The following SPRING1 variants were observed in gnomAD, a reference collection of about 807,000 sequenced individuals.
SPRING1 encodes SREBP regulating gene protein.
Under a neutral mutation model 24.7 loss-of-function variants are expected in SPRING1, and 14 were observed. That is an observed-to-expected ratio of 0.57 (90% confidence interval 0.37 to 0.88). The LOEUF (loss-of-function observed/expected upper bound fraction) is 0.88. Ranked by LOEUF, SPRING1 falls within the 40% of genes least tolerant of loss-of-function variation. The pLI, the probability that SPRING1 is intolerant of heterozygous loss-of-function variation, is 0.00. For missense variants in SPRING1, 255 were observed against 268.4 expected (o/e 0.95, Z 0.35); for synonymous variants, 93 against 106.1 (o/e 0.88, Z 0.76).
Position 116,716,342 on chromosome 12 carries a change from A to G in SPRING1, c.*1468T>C, listed in dbSNP as rs1441617155. On this transcript the variant is annotated 3_prime_UTR_variant, in exon 5 of 5. Transcript: ENST00000261318. ...TGTATTAGAAGGCAAATATGGCCCA[A>G]AGAAAAAGCTCCACTGAAAAAAACA... 2.0e-5 allele frequency: 3 copies of G among 152,234 alleles called. No homozygotes were observed. Among genetic ancestry groups the G allele is most frequent in the African/African-American group, 7.2e-5 (3 of 41,448 alleles). The allele number at this position is 152,234 out of a possible 1,614,324, so 9.4% of individuals were successfully genotyped here.
At position 116,720,059 on chromosome 12, in the gene SPRING1, A is replaced by G. The variant is rs1270721347; in HGVS notation, c.421-183T>C. On this transcript the variant is annotated intron_variant, in intron 3 of 4. Transcript: ENST00000261318. This position sits in a 1 kb window ranked among gnomAD's most constrained non-coding sequence, Gnocchi z 4.0. ...CATGCCAAAACACCCTGGGTATCTT[A>G]TTCATTAGATATGTGATTAGCAATA... 1.4e-6 allele frequency: 1 copy of G among 714,866 alleles called. No homozygotes were observed. The highest frequency in any genetic ancestry group is 2.3e-6 in the Non-Finnish European group (1 of 437,138). The allele number at this position is 714,866 out of a possible 1,614,324, so 44.3% of individuals were successfully genotyped here. A position where few individuals can be genotyped will look rare whatever the true frequency, so the allele number is the denominator to read the frequency against.
At chr12:116,725,369 T>C (rs1277166494) in intron 1 of SPRING1, among the ~76,000 whole-genome samples, 1 of 152,104 alleles carries the variant, frequency 6.6e-6, no homozygotes, top group East Asian at 1.9e-4. Flanking sequence ...TAGGGTTTGG[T>C]ACTAGCCGCA....
At chr12:116,719,924 C>G (rs761073433) in intron 3 of SPRING1, 48 bp from the exon 4 acceptor site, 2 of 1,505,092 alleles carry the variant, frequency 1.3e-6, no homozygotes, top group South Asian at 1.1e-5. Flanking sequence ...TAAGCCAGCA[C>G]AAGGTGACCT....
chr12:116,726,690 T>C (rs917452614), intron 1 of SPRING1, among the ~76,000 whole-genome samples: 1 of 152,156 alleles, frequency 6.6e-6, no homozygotes, highest in Non-Finnish European at 1.5e-5. Flanking sequence ...CATCAAGCTA[T>C]GTGCAAACTA....
intron 2 of SPRING1, 48 bp downstream of exon 2, chr12:116,723,019 C>A (rs757076573): frequency 1.5e-5 from 24 of 1,608,618 alleles, no homozygotes; most frequent in Non-Finnish European, 2.0e-5. Context: ...AATGGCCCAA[C>A]CAGCCTACGC....
Position 116,737,780 on chromosome 12 carries a change from G to A in SPRING1, c.111+10C>T, listed in dbSNP as rs758954992. The A allele has an allele frequency of 5.1e-6, 8 of 1,569,446 alleles. No homozygotes were observed. The Admixed American group carries it at 1.4e-4, about 28-fold the overall frequency. On this transcript the variant is annotated intron_variant, in intron 1 of 4. Transcript: ENST00000261318. ...AAGGGAAGGGGAGGAGGGGAAGGGC[G>A]GCCACTGACCTGCTTGAAGGTGCTG...
intron 1 of SPRING1, among the ~76,000 whole-genome samples, chr12:116,736,463 G>A (rs550350405): frequency 1.8e-4 from 27 of 152,342 alleles, no homozygotes; most frequent in Non-Finnish European, 3.4e-4. Context: ...CTCTCTGTTT[G>A]CCTAAGGTGG....
In SPRING1 at chr12:116,720,327, T is replaced by G; in HGVS notation, c.389A>C (p.Tyr130Ser). The change falls in exon 3 of 5, where the codon TAC becomes TCC. Residue 130 changes from tyrosine to serine, a missense_variant. Coordinates refer to ENST00000261318, the MANE Select transcript of SPRING1 (RefSeq NM_024738.4). The surrounding 1 kb of genome is among the most constrained non-coding windows in gnomAD (Gnocchi z 4.0). ...GGGCTGCAGGCAGCAGGAGACACAG[T>G]ACTCATAGGCGCTGCAGCAGCCGTT... ...WPNGCCSAYE[Y>S]CVSCCLQPNK... 1.2e-6 allele frequency: 2 copies of G among 1,614,014 alleles called. No homozygotes were observed. Among genetic ancestry groups the G allele is most frequent in the African/African-American group, 2.7e-5 (2 of 75,052 alleles).
At position 116,715,682 on chromosome 12, in the gene SPRING1, G is replaced by C. The variant is rs981587089; in HGVS notation, c.*2128C>G. The C allele has an allele frequency of 2.1e-5, 3 of 143,938 alleles. No homozygotes were observed. The highest frequency in any genetic ancestry group is 4.4e-5 in the Non-Finnish European group (3 of 67,416). The allele number at this position is 143,938 out of a possible 1,614,324, so 8.9% of individuals were successfully genotyped here. A position where few individuals can be genotyped will look rare whatever the true frequency, so the allele number is the denominator to read the frequency against. On this transcript the variant is annotated 3_prime_UTR_variant, in exon 5 of 5. Coordinates refer to ENST00000261318, the MANE Select transcript of SPRING1 (RefSeq NM_024738.4). ...ACGGTGTCAGGGCTGGAGTTGGCAA[G>C]AGACAGGGGGAAGAGGACTAGACCT... is the stretch of plus-strand genomic sequence containing the variant.
In SPRING1 at chr12:116,719,791, C is replaced by T; in HGVS notation, c.506G>A (p.Cys169Tyr). The T allele has an allele frequency of 6.2e-7, 1 of 1,614,188 alleles. No individual in the cohort carries two copies. The highest frequency in any genetic ancestry group is 1.3e-5 in the African/African-American group (1 of 75,038). ...AGATGAGGTCCTGCATTTGGCCAGGCACAACTCAAAGTGATCTTCGACTGC... is the reference window on the plus strand; with the variant it reads ...AGATGAGGTCCTGCATTTGGCCAGGTACAACTCAAAGTGATCTTCGACTGC... ...FMAVEDHFEL[C>Y]LAKCRTSSQS... Residue 169 changes from cysteine (C) to tyrosine (Y), a missense_variant, in exon 4 of 5, where the codon TGC becomes TAC. By Grantham distance (194) the Cys-to-Tyr change is radical. Transcript: ENST00000261318.
At position 116,712,228 on chromosome 12, in the gene SPRING1, T is replaced by C. The variant is rs1371375201; in HGVS notation, c.*5582A>G. 1.3e-5 allele frequency: 2 copies of C among 152,290 alleles called. No homozygotes were observed. Among genetic ancestry groups the C allele is most frequent in the East Asian group, 3.9e-4 (2 of 5,186 alleles). The allele number at this position is 152,290 out of a possible 1,614,324, so 9.4% of individuals were successfully genotyped here. On this transcript the variant is annotated 3_prime_UTR_variant, in exon 5 of 5. Transcript: ENST00000261318. The stretch of plus-strand genomic sequence containing the variant: ...ACTACATTAAAGTCTGCACTTTCAT[T>C]TTACAGACAGTCCTACAGTTCAACT...
chr12:116,731,707 G>A (rs1288224426), intron 1 of SPRING1, among the ~76,000 whole-genome samples: 2 of 152,064 alleles, frequency 1.3e-5, no homozygotes, highest in Non-Finnish European at 2.9e-5. Context: ...CTATGACGGT[G>A]CCACTTTACC....
intron 1 of SPRING1, 119 bp downstream of exon 1, chr12:116,737,667 GGGTA>G: frequency 8.9e-7 from 1 of 1,126,176 alleles, no homozygotes; most frequent in African/African-American, 1.7e-5. Context: ...GGAAGGGAAG[GGGTA>G]GGAAGACAGG....
intron 2 of SPRING1, among the ~76,000 whole-genome samples, chr12:116,721,183 A>G (rs1468975979): frequency 1.3e-5 from 2 of 152,164 alleles, no homozygotes; most frequent in Non-Finnish European, 2.9e-5. Context: ...TACAAAAGCT[A>G]ATGTATTGTT....
intron 1 of SPRING1, among the ~76,000 whole-genome samples, 174 bp from the exon 2 acceptor site, chr12:116,723,397 C>T (rs566305653): frequency 6.6e-6 from 1 of 152,282 alleles, no homozygotes; most frequent in Admixed American, 6.5e-5. Flanking sequence ...TAAAATAAAC[C>T]TGTAGGAAAA....
chr12:116,719,664 C>T, intron 4 of SPRING1, 99 bp downstream of exon 4: 1 of 969,826 alleles, frequency 1.0e-6, no homozygotes, highest in Admixed American at 2.1e-5. Flanking sequence ...GTCTCTTCTC[C>T]CTTACCACCC....
At chr12:116,737,530 AGGAGGAAG>A in intron 1 of SPRING1, among the ~76,000 whole-genome samples, 1 of 32,104 alleles carries the variant, frequency 3.1e-5, no homozygotes, top group African/African-American at 9.3e-5. Context: ...GGAAGGAAGG[AGGAGGAAG>A]GTGAGGAAGG....
chr12:116,710,413 C>G lies in SPRING1; in HGVS notation c.*7397G>C, dbSNP rs1211804512. The G allele has an allele frequency of 1.3e-5, 2 of 152,240 alleles. No individual in the cohort carries two copies. Among genetic ancestry groups the G allele is most frequent in the African/African-American group, 4.8e-5 (2 of 41,470 alleles). The allele number at this position is 152,240 out of a possible 1,614,324, so 9.4% of individuals were successfully genotyped here. ...AACCTTTTACTGAGCTGAGCAATGC[C>G]TGTAGAAGCCCTGCTTAGTAGGAGT... On this transcript the variant is annotated 3_prime_UTR_variant, in exon 5 of 5. Coordinates refer to ENST00000261318, the MANE Select transcript of SPRING1 (RefSeq NM_024738.4).
intron 2 of SPRING1, 107 bp downstream of exon 2, chr12:116,722,960 G>C (rs377009478): frequency 1.4e-6 from 2 of 1,387,004 alleles, no homozygotes; most frequent in East Asian, 4.8e-5. Flanking sequence ...GATGAGCGAG[G>C]AGAGAAAATG....
Sources: allele counts gnomAD v4.1 joint callset (sites outside exome capture counted in the v4.1 genomes callset), GRCh38; gene constraint gnomAD v4.1.1; non-coding constraint Gnocchi (gnomAD v3.1); transcripts MANE v1.5; gene names NCBI Gene and HGNC (gene_info 2026-07-23, HGNC 2026-07-21).